Variants in UBA6 observed in about 807,000 individuals in gnomAD.
UBA6 encodes ubiquitin-like modifier-activating enzyme 6.
A neutral mutation model predicts 148.3 loss-of-function variants in UBA6; 87 were observed. The observed-to-expected ratio is 0.59, with a 90% CI of 0.49 to 0.70. The LOEUF is 0.70. Among genes scored for constraint, UBA6 ranks in the 30% least tolerant of loss-of-function variants. UBA6 has a pLI of 0.00. For synonymous variants in UBA6, 376 were observed against 401.0 expected (o/e 0.94, Z 0.75); for missense variants, 1,186 against 1,241.2 (o/e 0.96, Z 0.67).
At position 67,613,235 on chromosome 4, in the gene UBA6, T is replaced by C. The variant is rs1347983423; in HGVS notation, c.*5762A>G. ...CAGAAGCAAAAAACTCTGTGGAGGA[T>C]AAAAATATCATTCTGAGCATCAAGT... is the stretch of plus-strand genomic sequence containing the variant. On this transcript the variant is annotated 3_prime_UTR_variant, in exon 33 of 33. Transcript: ENST00000322244. 2.0e-5 allele frequency: 3 copies of C among 152,188 alleles called. No individual in the cohort carries two copies. In the East Asian group the frequency reaches 5.8e-4, roughly 29 times the overall value. The allele number at this position is 152,188 out of a possible 1,614,324, so 9.4% of individuals were successfully genotyped here.
Position 67,634,509 on chromosome 4 carries a change from G to C in UBA6, c.1852C>G (p.Pro618Ala), listed in dbSNP as rs375592057. Residue 618 changes from proline (P) to alanine (A), a missense_variant, in exon 21 of 33, where the codon CCA (proline) becomes GCA (alanine). By Grantham distance (27) the Pro-to-Ala change is conservative (BLOSUM62 -1). Transcript: ENST00000322244. ...TESYNSHRDP[P>A]EEEIPFCTLK... ...GTACAAAATGGTATTTCCTCTTCTG[G>C]GGGATCCCGCTAATTTATAAAATAT... is the stretch of plus-strand genomic sequence containing the variant. 88 of 1,567,070 alleles carry C rather than the reference G, an allele frequency of 5.6e-5. No homozygotes were observed. Among genetic ancestry groups the C allele is most frequent in the Non-Finnish European group, 6.5e-5 (76 of 1,164,840 alleles).
rs1728654763 is a variant in UBA6 at position 67,617,547 on chromosome 4, A to G, written c.*1450T>C. On this transcript the variant is annotated 3_prime_UTR_variant, in exon 33 of 33. Coordinates refer to ENST00000322244, the MANE Select transcript of UBA6 (RefSeq NM_018227.6). ...ATACAAATTCACTCTCCACTTCCAC[A>G]TACATTTTCCCCACTTGATGGTACT... 1 of 152,106 alleles carries G rather than the reference A, an allele frequency of 6.6e-6. No individual in the cohort carries two copies. Among genetic ancestry groups the G allele is most frequent in the Non-Finnish European group, 1.5e-5 (1 of 67,958 alleles). The allele number at this position is 152,106 out of a possible 1,614,324, so 9.4% of individuals were successfully genotyped here.
chr4:67,635,721 G>A (rs1271203843), intron 19 of UBA6, among the ~76,000 whole-genome samples, 163 bp from the exon 20 acceptor site: 2 of 98,522 alleles, frequency 2.0e-5, no homozygotes, highest in African/African-American at 3.5e-5. Context: ...GATCATTCCT[G>A]TTCCCCTATT....
At chr4:67,657,266 T>C (rs924976589) in intron 13 of UBA6, among the ~76,000 whole-genome samples, 4 of 152,200 alleles carry the variant, frequency 2.6e-5, no homozygotes, top group Admixed American at 2.6e-4. Context: ...AGCATCATAC[T>C]ATCTGACTTC....
intron 29 of UBA6, among the ~76,000 whole-genome samples, chr4:67,624,741 A>G (rs1728826669): frequency 6.6e-6 from 1 of 152,136 alleles, no homozygotes; most frequent in Non-Finnish European, 1.5e-5. Flanking sequence ...AAGATCAGTG[A>G]AAAGATTATT....
intron 1 of UBA6, among the ~76,000 whole-genome samples, chr4:67,700,362 T>A (rs1730948125): frequency 6.6e-6 from 1 of 152,192 alleles, no homozygotes; most frequent in Non-Finnish European, 1.5e-5. Flanking sequence ...TGTAACCACT[T>A]GCTTTATTAA....
chr4:67,657,039 A>T (rs1287253844), intron 13 of UBA6, among the ~76,000 whole-genome samples: 1 of 152,228 alleles, frequency 6.6e-6, no homozygotes, highest in Non-Finnish European at 1.5e-5. Context: ...AGAGGACACA[A>T]ACAAATGGAA....
chr4:67,667,022 T>C (rs569558971), intron 9 of UBA6, among the ~76,000 whole-genome samples: 3 of 152,314 alleles, frequency 2.0e-5, no homozygotes, highest in Admixed American at 6.5e-5. Flanking sequence ...TTTAAACTTA[T>C]TCATCTCTCC....
At chr4:67,650,927 A>G (rs1729540485) in intron 13 of UBA6, among the ~76,000 whole-genome samples, 1 of 152,114 alleles carries the variant, frequency 6.6e-6, no homozygotes, top group Admixed American at 6.5e-5. Context: ...GTAAAAATCA[A>G]AGAGACCTAC....
rs549138018 is a variant in UBA6, at chr4:67,646,150, G to A, written c.1317-134C>T. Reference sequence around the variant, plus strand: ...AAGTTTCCCCTAACCAATCTTAATTGAAAAAGAAAAGCCTCCATAAAGAAA... The same window carrying A: ...AAGTTTCCCCTAACCAATCTTAATTAAAAAAGAAAAGCCTCCATAAAGAAA... On this transcript the variant is annotated intron_variant, in intron 15 of 32. Transcript: ENST00000322244. The A allele has an allele frequency of 8.4e-5, 38 of 453,100 alleles. No individual in the cohort carries two copies. In the South Asian group the frequency reaches 2.6e-3, roughly 31 times the overall value. The allele number at this position is 453,100 out of a possible 1,614,324, so 28.1% of individuals were successfully genotyped here. A position where few individuals can be genotyped will look rare whatever the true frequency, so the allele number is the denominator to read the frequency against.
intron 8 of UBA6, among the ~76,000 whole-genome samples, chr4:67,669,204 T>A (rs1268741971): frequency 6.6e-6 from 1 of 152,184 alleles, no homozygotes; most frequent in South Asian, 2.1e-4. Flanking sequence ...TAAGAATCCA[T>A]ACCATATTTT....
At chr4:67,647,615 A>G (rs896607461) in intron 14 of UBA6, among the ~76,000 whole-genome samples, 2 of 152,152 alleles carry the variant, frequency 1.3e-5, no homozygotes, top group Non-Finnish European at 2.9e-5. Flanking sequence ...TAAAAATACC[A>G]AAGATAATTA....
At chr4:67,621,665 T>C (rs576483034) in intron 32 of UBA6, among the ~76,000 whole-genome samples, 1 of 151,958 alleles carries the variant, frequency 6.6e-6, no homozygotes, top group Admixed American at 6.5e-5. Flanking sequence ...TAGCCAGGTG[T>C]GGTGTTGGGT....
intron 20 of UBA6, 146 bp from the exon 21 acceptor site, chr4:67,634,664 G>A: frequency 1.9e-6 from 1 of 529,508 alleles, no homozygotes; most frequent in Non-Finnish European, 3.2e-6. Flanking sequence ...CTCTCTCTTA[G>A]GCAATAAGAG....
At chr4:67,637,235 C>T (rs1293506082) in intron 19 of UBA6, among the ~76,000 whole-genome samples, 1 of 150,832 alleles carries the variant, frequency 6.6e-6, no homozygotes, top group Non-Finnish European at 1.5e-5. Flanking sequence ...GGGGGCAGCA[C>T]CCGTCTGGCC....
chr4:67,636,047 AAT>A (rs1729131174), intron 19 of UBA6, among the ~76,000 whole-genome samples: 1 of 152,044 alleles, frequency 6.6e-6, no homozygotes, highest in Admixed American at 6.5e-5. Context: ...CTCCCCTGTT[AAT>A]ATATCTGCTC....
At position 67,617,422 on chromosome 4, in the gene UBA6, T is replaced by A. The variant is rs1728652893; in HGVS notation, c.*1575A>T. 1.3e-5 allele frequency: 2 copies of A among 152,122 alleles called. No individual in the cohort carries two copies. The highest frequency in any genetic ancestry group is 4.1e-4 in the South Asian group (2 of 4,826). 9.4% of individuals were successfully genotyped at this position (152,122 alleles called of 1,614,324 possible). On this transcript the variant is annotated 3_prime_UTR_variant, in exon 33 of 33. Transcript: ENST00000322244. Reference sequence around the variant, plus strand: ...GCACAATGGGAAAGGGTAGGATATGTGAACAAAATTTAATTTCTTTTTTCC... The same window carrying A: ...GCACAATGGGAAAGGGTAGGATATGAGAACAAAATTTAATTTCTTTTTTCC...
chr4:67,617,471 T>C lies in UBA6; in HGVS notation c.*1526A>G, dbSNP rs1728653693. On this transcript the variant is annotated 3_prime_UTR_variant, in exon 33 of 33. Coordinates refer to ENST00000322244, the MANE Select transcript of UBA6 (RefSeq NM_018227.6). Reference sequence around the variant, plus strand: ...CCAAAGGTAGTCATTTTCTTTAAATTCATCCTATCCACTTTTGCCCACTTC... The same window carrying C: ...CCAAAGGTAGTCATTTTCTTTAAATCCATCCTATCCACTTTTGCCCACTTC... 1 of 152,114 alleles carries C rather than the reference T, an allele frequency of 6.6e-6. No individual in the cohort carries two copies. Among genetic ancestry groups the C allele is most frequent in the Non-Finnish European group, 1.5e-5 (1 of 67,966 alleles). 9.4% of individuals were successfully genotyped at this position (152,114 alleles called of 1,614,324 possible). A position where few individuals can be genotyped will look rare whatever the true frequency, so the allele number is the denominator to read the frequency against.
At chr4:67,621,469 C>A (rs547642919) in intron 32 of UBA6, among the ~76,000 whole-genome samples, 3 of 152,322 alleles carry the variant, frequency 2.0e-5, no homozygotes, top group Admixed American at 2.0e-4. Flanking sequence ...GATTCCCACT[C>A]TTGTGAAATA....
Sources: allele counts gnomAD v4.1 joint callset (sites outside exome capture counted in the v4.1 genomes callset), GRCh38; gene constraint gnomAD v4.1.1; transcripts MANE v1.5; gene names NCBI Gene and HGNC (gene_info 2026-07-23, HGNC 2026-07-21).